Variants in ATP6V0D2 observed in about 807,000 individuals in gnomAD.
ATP6V0D2 encodes the protein ATPase H+ transporting V0 subunit d2, also known as V-type proton ATPase subunit d 2.
A neutral mutation model predicts 40.0 loss-of-function variants in ATP6V0D2; 40 were observed. The observed-to-expected ratio is 1.00, with a 90% CI of 0.78 to 1.30. The LOEUF (loss-of-function observed/expected upper bound fraction) is 1.30. Among genes scored for constraint, ATP6V0D2 ranks in the 50% most tolerant of loss-of-function variants. ATP6V0D2 has a pLI of 0.00. For synonymous variants in ATP6V0D2, 179 were observed against 156.3 expected (o/e 1.15, Z -1.08); for missense variants, 470 against 423.1 (o/e 1.11, Z -0.97).
intron 2 of ATP6V0D2, 54 bp downstream of exon 2, chr8:86,113,934 C>T: frequency 2.0e-6 from 3 of 1,496,928 alleles, no homozygotes; most frequent in South Asian, 2.8e-5. Context: ...GCGGATGACC[C>T]CTAACAATTA....
intron 2 of ATP6V0D2, 56 bp from the exon 3 acceptor site, chr8:86,139,401 A>G: frequency 2.8e-6 from 4 of 1,453,808 alleles, no homozygotes; most frequent in Middle Eastern, 3.7e-4. Context: ...TACTTGTGGG[A>G]TGCTTCTTAT....
intron 1 of ATP6V0D2, among the ~76,000 whole-genome samples, chr8:86,113,188 T>C (rs1818547306): frequency 6.6e-6 from 1 of 152,058 alleles, no homozygotes; most frequent in Admixed American, 6.6e-5. Flanking sequence ...AATTGAAATA[T>C]TTTGTGAGGG....
At chr8:86,109,332 T>C (rs569068959) in intron 1 of ATP6V0D2, among the ~76,000 whole-genome samples, 2 of 152,188 alleles carry the variant, frequency 1.3e-5, no homozygotes, top group African/African-American at 2.4e-5. Flanking sequence ...TTTTGAAAAG[T>C]ATAAAACTAT....
chr8:86,145,193 AG>A (rs1479104172), intron 5 of ATP6V0D2, among the ~76,000 whole-genome samples: 1 of 11,468 alleles, frequency 8.7e-5, no homozygotes, highest in Non-Finnish European at 1.8e-4. Flanking sequence ...AAAGAAAGAA[AG>A]AAAAGAAAGA....
At chr8:86,105,228 C>T (rs1794842743) in intron 1 of ATP6V0D2, among the ~76,000 whole-genome samples, 1 of 152,184 alleles carries the variant, frequency 6.6e-6, no homozygotes, top group Admixed American at 6.5e-5. Context: ...GTCTATCTAG[C>T]TCCAGAGGCT....
Position 86,114,454 on chromosome 8 carries a change from G to A in ATP6V0D2, c.302+574G>A, listed in dbSNP as rs560893513. On this transcript the variant is annotated intron_variant, in intron 2 of 7. Coordinates refer to ENST00000285393, the MANE Select transcript of ATP6V0D2 (RefSeq NM_152565.1). ...TGGGAGGCCAAGGTGGGTGGATCAC[G>A]AGGTCAGGAATTCGAGACCAGCCTG... 3.3e-5 allele frequency among the ~76,000 whole-genome samples: 5 copies of A among 152,222 alleles called. No individual in the cohort carries two copies. The East Asian group carries it at 7.7e-4, about 24-fold the overall frequency.
intron 2 of ATP6V0D2, among the ~76,000 whole-genome samples, chr8:86,135,334 C>A (rs1818882804): frequency 6.6e-6 from 1 of 152,230 alleles, no homozygotes; most frequent in East Asian, 1.9e-4. Flanking sequence ...CTTTGAGATC[C>A]TTAAATAAGC....
intron 1 of ATP6V0D2, among the ~76,000 whole-genome samples, chr8:86,104,948 C>T (rs1004664082): frequency 1.3e-4 from 19 of 151,880 alleles, no homozygotes; most frequent in Admixed American, 5.3e-4. Context: ...CTTGTAAGCC[C>T]TTCGTCAGAA....
intron 2 of ATP6V0D2, among the ~76,000 whole-genome samples, chr8:86,138,467 T>G (rs1021667744): frequency 6.6e-5 from 10 of 152,176 alleles, no homozygotes; most frequent in African/African-American, 2.2e-4. Flanking sequence ...CTCAACCTCA[T>G]TGCTTGTAAT....
intron 5 of ATP6V0D2, 145 bp downstream of exon 5, chr8:86,143,099 T>C: frequency 3.9e-6 from 2 of 509,378 alleles, no homozygotes; most frequent in Non-Finnish European, 6.9e-6. Context: ...TACATATGAT[T>C]TGATATATTT....
Position 86,098,996 on chromosome 8 carries a change from G to GCTGTACTT in ATP6V0D2, c.20_27dup (p.Asn10CysfsTer22), listed in dbSNP as rs754854952. On this transcript the variant is annotated frameshift_variant, in exon 1 of 8. Coordinates refer to ENST00000285393, the MANE Select transcript of ATP6V0D2 (RefSeq NM_152565.1). LOFTEE classifies it high-confidence loss of function. ...CTTCCCCCATGCTCGAAGGTGCGGA[G>GCTGTACTT]CTGTACTTCAACGTGGACCATGGCT... The GCTGTACTT allele has an allele frequency of 6.2e-7, 1 of 1,614,066 alleles. No homozygotes were observed. Among genetic ancestry groups the GCTGTACTT allele is most frequent in the South Asian group, 1.1e-5 (1 of 91,072 alleles).
In ATP6V0D2 at chr8:86,149,077, C is replaced by CAAAAAAAA. The variant is rs1819109621; in HGVS notation, c.640-1033_640-1032insAAAAAAAA. Among the ~76,000 whole-genome samples, 22 of 35,728 alleles carry CAAAAAAAA rather than the reference C, an allele frequency of 6.2e-4. 2 individuals are homozygous for CAAAAAAAA. The highest frequency in any genetic ancestry group is 1.7e-3 in the African/African-American group (15 of 8,652). The allele number at this position is 35,728 out of a possible 152,430, so 23.4% of individuals were successfully genotyped here. A position where few individuals can be genotyped will look rare whatever the true frequency, so the allele number is the denominator to read the frequency against. Reference sequence around the variant, plus strand: ...GAAGAAAAAAAAAAAAAAAAAAAACCAATGAACAAGAAAGACATGGTTCTT... The same window carrying CAAAAAAAA: ...GAAGAAAAAAAAAAAAAAAAAAAACCAAAAAAAAAATGAACAAGAAAGACATGGTTCTT... On this transcript the variant is annotated intron_variant, in intron 5 of 7. Transcript: ENST00000285393.
At chr8:86,137,654 C>T (rs896391906) in intron 2 of ATP6V0D2, among the ~76,000 whole-genome samples, 4 of 152,162 alleles carry the variant, frequency 2.6e-5, no homozygotes, top group African/African-American at 9.7e-5. Flanking sequence ...TCCTCTTCCC[C>T]TAATGCTCTC....
At chr8:86,152,255 A>T (rs1430214135) in intron 7 of ATP6V0D2, among the ~76,000 whole-genome samples, 1 of 152,148 alleles carries the variant, frequency 6.6e-6, no homozygotes, top group African/African-American at 2.4e-5. Flanking sequence ...ACATGAACTC[A>T]TCCTTTTTTA....
intron 1 of ATP6V0D2, 38 bp downstream of exon 1, chr8:86,099,146 A>T (rs1355228062): frequency 1.9e-6 from 3 of 1,557,286 alleles, no homozygotes; most frequent in Non-Finnish European, 2.6e-6. Context: ...AAAGAAAAAA[A>T]AAAAAATGAA....
chr8:86,151,863 C>G (rs112551447), intron 7 of ATP6V0D2, among the ~76,000 whole-genome samples: 274 of 149,754 alleles, frequency 1.8e-3, no homozygotes, highest in African/African-American at 6.5e-3. Flanking sequence ...AACATTATTA[C>G]AAATGCTACA....
intron 2 of ATP6V0D2, among the ~76,000 whole-genome samples, chr8:86,133,293 G>A (rs1181507891): frequency 8.8e-5 from 13 of 148,204 alleles, no homozygotes; most frequent in Admixed American, 8.8e-4. Context: ...ACCAGGAAAG[G>A]GGCAGCTTCA....
intron 6 of ATP6V0D2, 36 bp downstream of exon 6, chr8:86,150,324 G>A (rs548818719): frequency 1.3e-6 from 2 of 1,585,670 alleles, no homozygotes; most frequent in Non-Finnish European, 1.7e-6. Flanking sequence ...AGTCCTTTGT[G>A]TTCATTCATT....
chr8:86,139,034 C>T (rs1371095914), intron 2 of ATP6V0D2, among the ~76,000 whole-genome samples: 1 of 152,070 alleles, frequency 6.6e-6, no homozygotes, highest in African/African-American at 2.4e-5. Flanking sequence ...TTGAGACCAG[C>T]CTGGCCAACA....
Sources: allele counts gnomAD v4.1 joint callset (sites outside exome capture counted in the v4.1 genomes callset), GRCh38; gene constraint gnomAD v4.1.1; transcripts MANE v1.5; gene names NCBI Gene and HGNC (gene_info 2026-07-23, HGNC 2026-07-21).